BANP: variants seen among roughly 807,000 people sequenced by gnomAD.
BANP encodes the protein BTG3 associated nuclear protein.
A neutral mutation model predicts 68.1 loss-of-function variants in BANP; 11 were observed. That is an observed-to-expected ratio of 0.16 (90% CI 0.10 to 0.27). The LOEUF is 0.27. Ranked by LOEUF, BANP falls within the 10% of genes least tolerant of loss-of-function variation. The pLI is 1.00. For synonymous variants in BANP, 329 were observed against 303.2 expected (o/e 1.09, Z -0.88); for missense variants, 504 against 722.7 (o/e 0.70, Z 3.47).
At chr16:88,015,599 G>T (rs2074354603) in intron 6 of BANP, among the ~76,000 whole-genome samples, 1 of 152,218 alleles carries the variant, frequency 6.6e-6, no homozygotes, top group African/African-American at 2.4e-5. Flanking sequence ...CCGCTTCCCT[G>T]CTTGGGGTCA....
intron 11 of BANP, among the ~76,000 whole-genome samples, chr16:88,048,440 G>A (rs149771544): frequency 1.3e-5 from 2 of 152,190 alleles, no homozygotes; most frequent in African/African-American, 2.4e-5. Context: ...GTATTGAATC[G>A]GCGCTCACCG....
chr16:88,060,537 A>G (rs1004532760), intron 11 of BANP, among the ~76,000 whole-genome samples: 3 of 152,202 alleles, frequency 2.0e-5, no homozygotes, highest in Non-Finnish European at 4.4e-5. Flanking sequence ...GGTGGATTCA[A>G]ACGTATTTTT....
At position 88,027,466 on chromosome 16, in the gene BANP, T is replaced by G. The variant is rs2077234714; in HGVS notation, c.896-17T>G. The stretch of plus-strand genomic sequence containing the variant: ...CCGAACAGGCCTCACCGCTTCTCCT[T>G]GGATGTGTCCTTCCAGGTCACCTTT... On this transcript the variant is annotated splice_polypyrimidine_tract_variant and intron_variant, in intron 7 of 13. Transcript: ENST00000682872. The G allele has an allele frequency of 6.8e-6, 11 of 1,612,540 alleles. No homozygotes were observed. Among genetic ancestry groups the G allele is most frequent in the Non-Finnish European group, 8.5e-6 (10 of 1,179,656 alleles).
intron 9 of BANP, among the ~76,000 whole-genome samples, chr16:88,033,503 TGC>T (rs1467741916): frequency 6.6e-6 from 1 of 152,218 alleles, no homozygotes; most frequent in Non-Finnish European, 1.5e-5. Flanking sequence ...ACCTCAGTCC[TGC>T]CAGCAGGCAG....
At chr16:87,958,114 C>A (rs1419606138) in intron 1 of BANP, among the ~76,000 whole-genome samples, 3 of 152,204 alleles carry the variant, frequency 2.0e-5, no homozygotes, top group African/African-American at 4.8e-5. Context: ...TGTTGTCTTA[C>A]AATTTCTGGC....
intron 4 of BANP, among the ~76,000 whole-genome samples, chr16:87,986,566 TTAAGA>T (rs10580939): frequency 0.37 from 55,666 of 151,678 alleles, 11,061 homozygotes; most frequent in Non-Finnish European, 0.46. Context: ...AGTTTCTAGT[TTAAGA>T]TAAGAGGAAG....
At chr16:88,024,186 C>T (rs775596678) in intron 7 of BANP, among the ~76,000 whole-genome samples, 6 of 152,284 alleles carry the variant, frequency 3.9e-5, no homozygotes, top group East Asian at 3.9e-4. Context: ...GTGTTCTTCC[C>T]GTCTCCCCGA....
In BANP at chr16:88,018,341, G is replaced by C. The variant is rs562444566; in HGVS notation, c.656-87G>C. 3.3e-5 allele frequency: 49 copies of C among 1,498,584 alleles called. No homozygotes were observed. The highest frequency in any genetic ancestry group is 4.3e-5 in the Non-Finnish European group (48 of 1,109,314). 92.8% of individuals were successfully genotyped at this position (1,498,584 alleles called of 1,614,324 possible). ...CAGCCCTGCGTGGAGCATCTTTCCC[G>C]ACTGTGCCTGAGCAGAGCGCTCTGC... is the stretch of plus-strand genomic sequence containing the variant. On this transcript the variant is annotated intron_variant, in intron 6 of 13. Transcript: ENST00000682872. This position sits in a 1 kb window ranked among gnomAD's most constrained non-coding sequence, Gnocchi z 7.7.
intron 11 of BANP, among the ~76,000 whole-genome samples, chr16:88,063,894 T>C (rs1218409148): frequency 6.6e-6 from 1 of 152,222 alleles, no homozygotes; most frequent in Admixed American, 6.5e-5. Flanking sequence ...AAAATAAAAG[T>C]AGAAAATGTT....
At chr16:87,963,689 CT>C (rs1348049073) in intron 1 of BANP, among the ~76,000 whole-genome samples, 1 of 152,222 alleles carries the variant, frequency 6.6e-6, no homozygotes, top group Non-Finnish European at 1.5e-5. Context: ...TGTGACACCC[CT>C]AATGATGCAT....
Position 88,033,212 on chromosome 16 carries a change from C to A in BANP, c.1167C>A (p.Ile389=), listed in dbSNP as rs1228697545. ...YALANAQQVQ[I]HQIGEDGQVQ... ...TGGCCAACGCACAGCAGGTGCAGAT[C>A]CACCAGATCGGAGAAGACGGACAGG... Residue 389 remains isoleucine (I), a synonymous_variant, in exon 9 of 14, where the codon ATC becomes ATA. Coordinates refer to ENST00000682872, the MANE Select transcript of BANP (RefSeq NM_001386991.1). The A allele has an allele frequency of 3.7e-6, 6 of 1,608,842 alleles. No homozygotes were observed. In the Admixed American group the frequency reaches 1.0e-4, roughly 27 times the overall value.
At chr16:87,989,188 A>C (rs1276519449) in intron 4 of BANP, among the ~76,000 whole-genome samples, 3 of 152,240 alleles carry the variant, frequency 2.0e-5, no homozygotes. Flanking sequence ...GATGGGCCTC[A>C]TCCAACAGTC....
chr16:88,054,650 G>C (rs1328711904), intron 11 of BANP, among the ~76,000 whole-genome samples: 1 of 152,228 alleles, frequency 6.6e-6, no homozygotes, highest in Non-Finnish European at 1.5e-5. Flanking sequence ...ATCCTGAGTT[G>C]TTTTCTAATC....
chr16:88,070,509 C>G (rs1243896769), intron 12 of BANP, among the ~76,000 whole-genome samples: 1 of 152,242 alleles, frequency 6.6e-6, no homozygotes, highest in Admixed American at 6.5e-5. Flanking sequence ...GATGGCTCAG[C>G]TATTCGCCCG....
chr16:88,020,441 G>T (rs111723899), intron 7 of BANP, among the ~76,000 whole-genome samples: 1 of 152,216 alleles, frequency 6.6e-6, no homozygotes. Context: ...GGTGCTTGCT[G>T]TGTGGATCAC....
At position 88,003,502 on chromosome 16, in the gene BANP, C is replaced by G. The variant is rs1273204415; in HGVS notation, c.363-793C>G. On this transcript the variant is annotated intron_variant, in intron 4 of 13. Coordinates refer to ENST00000682872, the MANE Select transcript of BANP (RefSeq NM_001386991.1). The surrounding 1 kb of genome is among the most constrained non-coding windows in gnomAD (Gnocchi z 6.1). ...CCCAGCCTTCCACAACAAAGCGGAC[C>G]TTAGATATCCCTTGTGACCAGAAAG... is the stretch of plus-strand genomic sequence containing the variant. The G allele has an allele frequency of 6.6e-6, 3 of 456,156 alleles. No individual in the cohort carries two copies. Among genetic ancestry groups the G allele is most frequent in the Non-Finnish European group, 1.3e-5 (3 of 226,976 alleles). 28.3% of individuals were successfully genotyped at this position (456,156 alleles called of 1,614,324 possible).
At chr16:87,978,025 G>C (rs373548309) in intron 2 of BANP, among the ~76,000 whole-genome samples, 157 of 152,194 alleles carry the variant, frequency 1.0e-3, no homozygotes, top group African/African-American at 3.7e-3. Context: ...CAGTAGAGAC[G>C]GGGTTTCACC....
intron 4 of BANP, among the ~76,000 whole-genome samples, chr16:87,986,684 C>G (rs1318241968): frequency 6.6e-6 from 1 of 152,186 alleles, no homozygotes; most frequent in Admixed American, 6.5e-5. Context: ...AGTCACAGAC[C>G]TGCCGTGGCA....
chr16:87,992,388 A>C (rs2066084771), intron 4 of BANP, among the ~76,000 whole-genome samples: 1 of 152,086 alleles, frequency 6.6e-6, no homozygotes, highest in Non-Finnish European at 1.5e-5. Flanking sequence ...GCTGCCCCTT[A>C]TTGTCTATTT....
Sources: allele counts gnomAD v4.1 joint callset (sites outside exome capture counted in the v4.1 genomes callset), GRCh38; gene constraint gnomAD v4.1.1; non-coding constraint Gnocchi (gnomAD v3.1); transcripts MANE v1.5; gene names NCBI Gene and HGNC (gene_info 2026-07-23, HGNC 2026-07-21).